The following PTBP3 variants were observed in gnomAD, a reference collection of about 807,000 sequenced individuals.
The protein encoded by PTBP3 is polypyrimidine tract binding protein 3.
Under a neutral mutation model 58.7 loss-of-function variants are expected in PTBP3, and 20 were observed. The ratio of observed to expected loss-of-function variants is 0.34; its 90% confidence interval spans 0.24 to 0.50. PTBP3 has a LOEUF of 0.50. Ranked by LOEUF, PTBP3 falls within the 20% of genes least tolerant of loss-of-function variation. The probability of loss-of-function intolerance (pLI) is 0.98; values close to 1 mark genes in which losing one functional copy is unlikely to be tolerated. For synonymous variants in PTBP3, 185 were observed against 219.8 expected (o/e 0.84, Z 1.40); for missense variants, 509 against 637.2 (o/e 0.80, Z 2.17).
At chr9:112,343,029 T>G in the PTBP3 span, among the ~76,000 whole-genome samples, 2 of 151,994 alleles carry the variant, frequency 1.3e-5, no homozygotes, top group Non-Finnish European at 1.5e-5. Flanking sequence ...CATTGGCTGA[T>G]AAAAAAGGAA....
At chr9:112,277,707 A>C (rs527685264) in intron 2 of PTBP3, among the ~76,000 whole-genome samples, 76 of 151,918 alleles carry the variant, frequency 5.0e-4, no homozygotes, top group South Asian at 2.5e-3. Context: ...AAAAAACCAA[A>C]CAAACAAACA....
chr9:112,351,678 A>C, the PTBP3 span, among the ~76,000 whole-genome samples: 1 of 152,162 alleles, frequency 6.6e-6, no homozygotes, highest in Non-Finnish European at 1.5e-5. Flanking sequence ...TAATTATATC[A>C]GTATGGACTC....
chr9:112,347,689 TTGTG>T, the PTBP3 span, among the ~76,000 whole-genome samples: 7 of 152,172 alleles, frequency 4.6e-5, no homozygotes, highest in Non-Finnish European at 1.0e-4. Context: ...CATCAATATA[TTGTG>T]TGTGTATGTG....
At chr9:112,321,767 AGT>A (rs1345044721) in intron 1 of PTBP3, among the ~76,000 whole-genome samples, 1 of 152,174 alleles carries the variant, frequency 6.6e-6, no homozygotes, top group Non-Finnish European at 1.5e-5. Flanking sequence ...CTAACATACA[AGT>A]AAGAAACCCT....
chr9:112,303,352 T>C (rs1313821701), intron 1 of PTBP3, among the ~76,000 whole-genome samples: 1 of 152,228 alleles, frequency 6.6e-6, no homozygotes, highest in African/African-American at 2.4e-5. Context: ...GGTTCCAGAA[T>C]GTTAGTTCAT....
At chr9:112,378,457 G>A in the PTBP3 span, among the ~76,000 whole-genome samples, 8 of 152,178 alleles carry the variant, frequency 5.3e-5, no homozygotes, top group Non-Finnish European at 8.8e-5. Flanking sequence ...TTCAAGAAAG[G>A]AGGCTCTAAC....
chr9:112,375,742 G>A, the PTBP3 span, among the ~76,000 whole-genome samples: 3 of 152,218 alleles, frequency 2.0e-5, no homozygotes, highest in Admixed American at 2.0e-4. Flanking sequence ...ATGGAATACT[G>A]CTGTGCACGA....
At chr9:112,262,627 T>C in intron 4 of PTBP3, 28 bp from the exon 5 acceptor site, 1 of 1,529,230 alleles carries the variant, frequency 6.5e-7, no homozygotes, top group South Asian at 1.3e-5. Flanking sequence ...ATGAGAACTT[T>C]TGATTATACA....
At chr9:112,336,471 GTTTC>G (rs1309461360), upstream of PTBP3, among the ~76,000 whole-genome samples, 1 of 149,652 alleles carries the variant, frequency 6.7e-6, no homozygotes, top group Non-Finnish European at 1.5e-5. Context: ...CCAATTTACA[GTTTC>G]TTTATTTAAA....
intron 4 of PTBP3, among the ~76,000 whole-genome samples, chr9:112,266,510 A>G (rs1202641758): frequency 6.6e-6 from 1 of 152,106 alleles, no homozygotes; most frequent in African/African-American, 2.4e-5. Context: ...TGGAATACAC[A>G]TTGTCTTCCA....
Position 112,290,699 on chromosome 9 carries a change from T to TACAC in PTBP3, c.34+7132_34+7133insGTGT, listed in dbSNP as rs1221818154. 7.0e-3 allele frequency among the ~76,000 whole-genome samples: 449 copies of TACAC among 64,566 alleles called. 3 individuals are homozygous for TACAC. Among genetic ancestry groups the TACAC allele is most frequent in the Middle Eastern group, 0.014 (2 of 140 alleles). 42.4% of individuals were successfully genotyped at this position (64,566 alleles called of 152,430 possible). On this transcript the variant is annotated intron_variant, in intron 2 of 13. Coordinates refer to ENST00000374257, the MANE Select transcript of PTBP3 (RefSeq NM_001163788.4). ...AAAAAAAAAAAAAAATATATATATATATATATATACACACACACACACACA... is the reference window on the plus strand; with the variant it reads ...AAAAAAAAAAAAAAATATATATATATACACATATATATACACACACACACACACA...
intron 1 of PTBP3, among the ~76,000 whole-genome samples, chr9:112,329,861 T>TTC (rs768311591): frequency 1.2e-4 from 18 of 150,676 alleles, no homozygotes; most frequent in African/African-American, 4.2e-4. Context: ...TTTTTTTTTT[T>TTC]CTGAGACAGT....
At chr9:112,366,007 G>A in the PTBP3 span, among the ~76,000 whole-genome samples, 1 of 152,248 alleles carries the variant, frequency 6.6e-6, no homozygotes, top group East Asian at 1.9e-4. Flanking sequence ...ATTTGCATAA[G>A]TGGCTGGGCA....
At chr9:112,379,549 A>AG in the PTBP3 span, among the ~76,000 whole-genome samples, 1 of 152,234 alleles carries the variant, frequency 6.6e-6, no homozygotes, top group East Asian at 1.9e-4. Flanking sequence ...CCGATGCACA[A>AG]GGGAAGGCTG....
intron 2 of PTBP3, among the ~76,000 whole-genome samples, chr9:112,295,409 A>G: frequency 9.4e-6 from 1 of 106,052 alleles, no homozygotes; most frequent in Non-Finnish European, 1.8e-5. Flanking sequence ...CACAGGCAAT[A>G]AGATTGGAGG....
intron 1 of PTBP3, among the ~76,000 whole-genome samples, chr9:112,327,023 G>A (rs2132472937): frequency 6.6e-6 from 1 of 151,854 alleles, no homozygotes; most frequent in East Asian, 1.9e-4. Flanking sequence ...TTCAACACCA[G>A]CCTGGACAAC....
At chr9:112,277,745 C>T (rs1054209776) in intron 2 of PTBP3, among the ~76,000 whole-genome samples, 4 of 151,752 alleles carry the variant, frequency 2.6e-5, no homozygotes, top group African/African-American at 4.8e-5. Flanking sequence ...GATGTGCTGG[C>T]GTATGCCTGT....
At chr9:112,363,095 G>A in the PTBP3 span, 3 of 170,790 alleles carry the variant, frequency 1.8e-5, no homozygotes, top group South Asian at 2.6e-4. Context: ...ATGCCAGGCA[G>A]CACAGCAAAG....
At chr9:112,313,903 T>C (rs1829591141) in intron 1 of PTBP3, among the ~76,000 whole-genome samples, 1 of 152,136 alleles carries the variant, frequency 6.6e-6, no homozygotes. Flanking sequence ...CATCCATGGA[T>C]GAACCAACTG....
Sources: allele counts gnomAD v4.1 joint callset (sites outside exome capture counted in the v4.1 genomes callset), GRCh38; gene constraint gnomAD v4.1.1; transcripts MANE v1.5; gene names NCBI Gene and HGNC (gene_info 2026-07-23, HGNC 2026-07-21).